RAB18: variants seen among roughly 807,000 people sequenced by gnomAD.
The protein encoded by RAB18 is RAB18, member RAS oncogene family, also known as ras-related protein Rab-18.
Under a neutral mutation model 28.5 loss-of-function variants are expected in RAB18, and 10 were observed. The observed-to-expected ratio is 0.35, with a 90% confidence interval of 0.22 to 0.60. The LOEUF is 0.60. Ranked by LOEUF, RAB18 falls within the 20% of genes least tolerant of loss-of-function variation. The pLI is 0.78. For synonymous variants in RAB18, 93 were observed against 86.9 expected (o/e 1.07, Z -0.39); for missense variants, 188 against 244.2 (o/e 0.77, Z 1.53).
intron 3 of RAB18, among the ~76,000 whole-genome samples, chr10:27,530,683 TTTC>T (rs2132404059): frequency 6.6e-6 from 1 of 152,010 alleles, no homozygotes; most frequent in East Asian, 1.9e-4. Flanking sequence ...GCATTTCTAG[TTTC>T]TTATTATATA....
At chr10:27,526,461 G>C (rs951202833) in intron 2 of RAB18, among the ~76,000 whole-genome samples, 1 of 152,118 alleles carries the variant, frequency 6.6e-6, no homozygotes, top group Non-Finnish European at 1.5e-5. Flanking sequence ...GGAGCCCCTG[G>C]AAGCTGCCAT....
chr10:27,510,005 C>G (rs940402599), intron 2 of RAB18, 75 bp downstream of exon 2: 2 of 1,144,840 alleles, frequency 1.7e-6, no homozygotes, highest in African/African-American at 3.0e-5. Flanking sequence ...CTAAATCCTT[C>G]TACCTTCCTC....
chr10:27,515,338 C>T (rs1308002169), intron 2 of RAB18, among the ~76,000 whole-genome samples: 1 of 151,782 alleles, frequency 6.6e-6, no homozygotes, highest in Non-Finnish European at 1.5e-5. Flanking sequence ...TTTTATGTAC[C>T]TTTTGACTAT....
rs897237135 is a variant in RAB18 at position 27,517,955 on chromosome 10, C to CT, written c.124+8036dup. ...TAAGTGGAGTCATATGGTATGTTAC[C>CT]TTTTTTTTTTTAATTATACTTTAAG... On this transcript the variant is annotated intron_variant, in intron 2 of 6. Transcript: ENST00000356940. Among the ~76,000 whole-genome samples the CT allele has an allele frequency of 2.0e-4, 29 of 146,248 alleles. No homozygotes were observed. In the South Asian group the frequency reaches 3.5e-3, roughly 18 times the overall value.
Position 27,541,113 on chromosome 10 carries a change from AAT to A in RAB18, c.*3064_*3065del. The A allele has an allele frequency of 2.2e-6, 1 of 454,022 alleles. No individual in the cohort carries two copies. Among genetic ancestry groups the A allele is most frequent in the Non-Finnish European group, 4.4e-6 (1 of 226,766 alleles). 28.1% of individuals were successfully genotyped at this position (454,022 alleles called of 1,614,324 possible). ...TTTCTTGGGGGTACATTTCACTAGT[AAT>A]ACTTAGGAAGTTATTTTGTCTTTCC... On this transcript the variant is annotated 3_prime_UTR_variant, in exon 7 of 7. Transcript: ENST00000356940.
chr10:27,520,224 T>G (rs2132386383), intron 2 of RAB18, among the ~76,000 whole-genome samples: 1 of 152,040 alleles, frequency 6.6e-6, no homozygotes, highest in South Asian at 2.1e-4. Context: ...ATTGTGTATT[T>G]GTTAGAATTT....
intron 6 of RAB18, among the ~76,000 whole-genome samples, chr10:27,535,565 G>C (rs553951604): frequency 2.0e-4 from 31 of 152,284 alleles, no homozygotes; most frequent in Middle Eastern, 3.4e-3. Context: ...GTGGAAAGTA[G>C]GGAAGCAGCG....
intron 2 of RAB18, among the ~76,000 whole-genome samples, chr10:27,526,602 G>A (rs2132397536): frequency 6.6e-6 from 1 of 152,304 alleles, no homozygotes; most frequent in Non-Finnish European, 1.5e-5. Flanking sequence ...ATAGAAGGTA[G>A]GTGAGTGAGT....
chr10:27,539,512 C>T lies in RAB18; in HGVS notation c.*1461C>T. On this transcript the variant is annotated 3_prime_UTR_variant, in exon 7 of 7. Coordinates refer to ENST00000356940, the MANE Select transcript of RAB18 (RefSeq NM_021252.5). ...ATTACATGTGGTTGAAGGTTTTATA[C>T]ATTCTATATGCTTTTACTAAATATA... 1 of 361,242 alleles carries T rather than the reference C, an allele frequency of 2.8e-6. No homozygotes were observed. Among genetic ancestry groups the T allele is most frequent in the Non-Finnish European group, 5.3e-6 (1 of 188,108 alleles). 22.4% of individuals were successfully genotyped at this position (361,242 alleles called of 1,614,324 possible). A position where few individuals can be genotyped will look rare whatever the true frequency, so the allele number is the denominator to read the frequency against.
At position 27,513,037 on chromosome 10, in the gene RAB18, T is replaced by A. The variant is rs865976736; in HGVS notation, c.124+3107T>A. On this transcript the variant is annotated intron_variant, in intron 2 of 6. Coordinates refer to ENST00000356940, the MANE Select transcript of RAB18 (RefSeq NM_021252.5). ...TAACATATATATATATATATATTTT[T>A]TTTTTTTTTTTGGAGACAAGAGTCT... 2.6e-3 allele frequency among the ~76,000 whole-genome samples: 332 copies of A among 130,186 alleles called. 3 individuals are homozygous for A. Among genetic ancestry groups the A allele is most frequent in the Middle Eastern group, 8.1e-3 (2 of 246 alleles). The allele number at this position is 130,186 out of a possible 152,430, so 85.4% of individuals were successfully genotyped here. A position where few individuals can be genotyped will look rare whatever the true frequency, so the allele number is the denominator to read the frequency against.
At chr10:27,530,794 A>G (rs1834772803) in intron 3 of RAB18, among the ~76,000 whole-genome samples, 1 of 151,820 alleles carries the variant, frequency 6.6e-6, no homozygotes, top group South Asian at 2.1e-4. Context: ...TTTGGCTTCT[A>G]GTTGATTACT....
intron 3 of RAB18, among the ~76,000 whole-genome samples, chr10:27,528,919 T>C (rs940707215): frequency 1.3e-5 from 2 of 152,110 alleles, no homozygotes; most frequent in African/African-American, 4.8e-5. Context: ...GTTTTACTTA[T>C]ATTTGCATTT....
intron 2 of RAB18, chr10:27,510,288 T>C (rs1247421126): frequency 6.7e-6 from 2 of 299,346 alleles, no homozygotes; most frequent in Non-Finnish European, 1.3e-5. Flanking sequence ...GGAGGGGTTA[T>C]AATAGTGAAT....
chr10:27,537,182 A>T (rs997442837), intron 6 of RAB18, among the ~76,000 whole-genome samples: 1 of 152,216 alleles, frequency 6.6e-6, no homozygotes, highest in African/African-American at 2.4e-5. Flanking sequence ...ATACATATGC[A>T]GGTAGCTTGG....
intron 6 of RAB18, among the ~76,000 whole-genome samples, chr10:27,536,612 A>G (rs912880624): frequency 1.3e-5 from 2 of 152,184 alleles, no homozygotes; most frequent in African/African-American, 4.8e-5. Context: ...GTCAGCAGAA[A>G]GAGGAAGTGC....
At chr10:27,518,620 T>G (rs774283737) in intron 2 of RAB18, among the ~76,000 whole-genome samples, 8 of 152,130 alleles carry the variant, frequency 5.3e-5, no homozygotes, top group Non-Finnish European at 1.2e-4. Flanking sequence ...GGTTTTTTGC[T>G]TTTTTGGGGG....
chr10:27,528,488 T>A (rs1834724751), intron 3 of RAB18, among the ~76,000 whole-genome samples: 1 of 152,140 alleles, frequency 6.6e-6, no homozygotes, highest in Admixed American at 6.6e-5. Context: ...CATACCAGTA[T>A]GTGAGTTTTC....
Position 27,541,661 on chromosome 10 carries a change from C to G in RAB18, c.*3610C>G, listed in dbSNP as rs1195816502. ...TTTTTTTTTTTTTCCTCTTTTTTAA[C>G]CGGAGAAGCAACAAATTACGTAGTT... On this transcript the variant is annotated 3_prime_UTR_variant, in exon 7 of 7. Coordinates refer to ENST00000356940, the MANE Select transcript of RAB18 (RefSeq NM_021252.5). The G allele has an allele frequency of 4.4e-6, 2 of 449,618 alleles. No homozygotes were observed. The highest frequency in any genetic ancestry group is 8.9e-6 in the Non-Finnish European group (2 of 225,870). The allele number at this position is 449,618 out of a possible 1,614,324, so 27.9% of individuals were successfully genotyped here.
intron 1 of RAB18, among the ~76,000 whole-genome samples, chr10:27,509,154 C>G (rs1197422617): frequency 2.0e-5 from 3 of 152,166 alleles, no homozygotes; most frequent in Non-Finnish European, 4.4e-5. Context: ...TTTGTTCTCT[C>G]TTGCCATAAC....
Sources: allele counts gnomAD v4.1 joint callset (sites outside exome capture counted in the v4.1 genomes callset), GRCh38; gene constraint gnomAD v4.1.1; transcripts MANE v1.5; gene names NCBI Gene and HGNC (gene_info 2026-07-23, HGNC 2026-07-21).